Variants in SUV39H2 observed in about 807,000 individuals in gnomAD.
SUV39H2 encodes the protein histone-lysine N-methyltransferase SUV39H2.
Under a neutral mutation model 47.5 loss-of-function variants are expected in SUV39H2, and 10 were observed. The observed-to-expected ratio is 0.21, with a 90% confidence interval of 0.13 to 0.36. SUV39H2 has a LOEUF of 0.36. Among genes scored for constraint, SUV39H2 ranks in the 10% least tolerant of loss-of-function variants. SUV39H2 has a pLI of 1.00. For missense variants in SUV39H2, 266 were observed against 487.4 expected (o/e 0.55, Z 4.28); for synonymous variants, 159 against 166.8 (o/e 0.95, Z 0.36).
At chr10:14,883,704 CAAAAAAAAAAAAAAA>C (rs58522342) in intron 2 of SUV39H2, among the ~76,000 whole-genome samples, 4 of 50,028 alleles carry the variant, frequency 8.0e-5, no homozygotes, top group East Asian at 7.8e-4. Flanking sequence ...GACTCAGTCT[CAAAAAAAAAAAAAAA>C]AAAAAAAAAA....
chr10:14,896,698 C>A, intron 2 of SUV39H2, 148 bp from the exon 3 acceptor site: 1 of 568,710 alleles, frequency 1.8e-6, no homozygotes. Context: ...ATTTATACTT[C>A]ATGTGTTAGG....
chr10:14,899,695 CAT>C lies in SUV39H2; in HGVS notation c.996+12_996+13del, dbSNP rs769125245. The stretch of plus-strand genomic sequence containing the variant: ...TTTTGTGAATCACAGCGTAAGAAGA[CAT>C]ACGTAAATTTTAGACACGACTAACA... On this transcript the variant is annotated intron_variant, in intron 4 of 5. Transcript: ENST00000354919. 3 of 1,612,622 alleles carry C rather than the reference CAT, an allele frequency of 1.9e-6. No homozygotes were observed. Among genetic ancestry groups the C allele is most frequent in the Admixed American group, 3.3e-5 (2 of 59,722 alleles).
At chr10:14,904,315 ATTTTTTTTTTTTT>A (rs35999949), downstream of SUV39H2, 1 of 77,762 alleles carries the variant, frequency 1.3e-5, no homozygotes, top group South Asian at 5.4e-4. Context: ...AAAAAAAAAA[ATTTTTTTTTTTTT>A]TTTTTTTTTT....
chr10:14,895,610 G>A (rs185936555), intron 2 of SUV39H2, among the ~76,000 whole-genome samples: 1 of 152,332 alleles, frequency 6.6e-6, no homozygotes, highest in East Asian at 1.9e-4. Flanking sequence ...AACAGTCTGA[G>A]GGATAGATTA....
Position 14,896,975 on chromosome 10 carries a change from C to T in SUV39H2, c.307C>T (p.Gln103Ter), listed in dbSNP as rs752234143. 1 of 1,614,056 alleles carries T rather than the reference C, an allele frequency of 6.2e-7. No individual in the cohort carries two copies. The highest frequency in any genetic ancestry group is 8.5e-7 in the Non-Finnish European group (1 of 1,180,006). Residue 103 changes from glutamine (Q) to a stop codon, truncating the protein, a stop_gained, in exon 3 of 6, where the codon CAG becomes TAG. Coordinates refer to ENST00000354919, the MANE Select transcript of SUV39H2 (RefSeq NM_001193424.2). LOFTEE classifies it high-confidence loss of function. ...FSNDKHNYLS[Q>*]VKKGKAITPK... Reference sequence around the variant, plus strand: ...TAATGACAAGCATAATTATTTATCTCAGGTAAAGAAAGGCAAAGCAATAAC... The same window carrying T: ...TAATGACAAGCATAATTATTTATCTTAGGTAAAGAAAGGCAAAGCAATAAC...
chr10:14,879,612 A>C, intron 1 of SUV39H2, among the ~76,000 whole-genome samples: 1 of 151,656 alleles, frequency 6.6e-6, no homozygotes, highest in Non-Finnish European at 1.5e-5. Context: ...CTGGGCACCG[A>C]GCGCGCGTGG....
At chr10:14,883,598 A>G (rs1833110215) in intron 2 of SUV39H2, among the ~76,000 whole-genome samples, 1 of 150,044 alleles carries the variant, frequency 6.7e-6, no homozygotes, top group Admixed American at 6.7e-5. Flanking sequence ...CCAGCTACTC[A>G]GGAGGCTGAG....
At chr10:14,891,976 GTT>G (rs1327346925) in intron 2 of SUV39H2, among the ~76,000 whole-genome samples, 1 of 152,166 alleles carries the variant, frequency 6.6e-6, no homozygotes, top group Non-Finnish European at 1.5e-5. Flanking sequence ...TTTATATGTG[GTT>G]TTTGTTAGAG....
chr10:14,885,289 T>C (rs1229749351), intron 2 of SUV39H2, among the ~76,000 whole-genome samples: 1 of 152,210 alleles, frequency 6.6e-6, no homozygotes, highest in Non-Finnish European at 1.5e-5. Context: ...ATACCTGGAT[T>C]TTGCACTAGT....
At chr10:14,899,020 G>C (rs1379154743) in intron 3 of SUV39H2, 10 of 573,714 alleles carry the variant, frequency 1.7e-5, no homozygotes, top group Non-Finnish European at 3.1e-5. Flanking sequence ...CCAATGTACT[G>C]CTCAAATCCT....
chr10:14,879,763 T>C (rs532278557), intron 1 of SUV39H2: 2 of 152,306 alleles, frequency 1.3e-5, no homozygotes, highest in Non-Finnish European at 2.9e-5. Context: ...ATTTTTCTCC[T>C]TGGAGAATGT....
rs1347979893 is a variant in SUV39H2, at chr10:14,878,917, G to A, written c.29G>A (p.Gly10Glu). MAAVGAEAR[G>E]AWCVPCLVSL... ...GCGGCGGTCGGGGCCGAGGCGCGAG[G>A]AGGTGAGGCTGGAGCGCGGCCCCCT... Residue 10 changes from glycine (G) to glutamate (E), a missense_variant and splice_region_variant, in exon 1 of 6, where the codon GGA becomes GAA. Physicochemically the swap from Gly to Glu is moderately conservative, Grantham distance 98. This residue lies in a region of SUV39H2 where 31 missense variants were observed against 27.5 expected (regional missense o/e 1.13). Coordinates refer to ENST00000354919, the MANE Select transcript of SUV39H2 (RefSeq NM_001193424.2). The A allele has an allele frequency of 4.1e-6, 6 of 1,478,688 alleles. No homozygotes were observed. Among genetic ancestry groups the A allele is most frequent in the Non-Finnish European group, 5.4e-6 (6 of 1,112,454 alleles). 91.6% of individuals were successfully genotyped at this position (1,478,688 alleles called of 1,614,324 possible).
Position 14,902,554 on chromosome 10 carries a change from C to G in SUV39H2, c.*42C>G. 1 of 1,290,700 alleles carries G rather than the reference C, an allele frequency of 7.7e-7. No individual in the cohort carries two copies. The highest frequency in any genetic ancestry group is 1.1e-6 in the Non-Finnish European group (1 of 942,336). 80.0% of individuals were successfully genotyped at this position (1,290,700 alleles called of 1,614,324 possible). A position where few individuals can be genotyped will look rare whatever the true frequency, so the allele number is the denominator to read the frequency against. ...GAGCTGATGATTATAATATTTTTTT[C>G]CTAATGTTAACATTTTTAAAAATAC... On this transcript the variant is annotated 3_prime_UTR_variant, in exon 6 of 6. Transcript: ENST00000354919.
At chr10:14,898,813 A>G in intron 3 of SUV39H2, 1 of 164,036 alleles carries the variant, frequency 6.1e-6, no homozygotes, top group Non-Finnish European at 1.3e-5. Context: ...TCCAAAGTTA[A>G]CATAGCTTCT....
intron 2 of SUV39H2, among the ~76,000 whole-genome samples, chr10:14,884,657 C>T (rs919319799): frequency 6.6e-6 from 1 of 152,146 alleles, no homozygotes; most frequent in African/African-American, 2.4e-5. Context: ...ACTTGTGCCC[C>T]TCAGTGACCT....
chr10:14,881,328 AG>A (rs1833035800), intron 1 of SUV39H2, among the ~76,000 whole-genome samples, 171 bp from the exon 2 acceptor site: 1 of 152,246 alleles, frequency 6.6e-6, no homozygotes. Context: ...TTAACAAAAT[AG>A]TTCCTTAATG....
At chr10:14,901,996 C>A (rs1834057387) in intron 5 of SUV39H2, among the ~76,000 whole-genome samples, 1 of 152,126 alleles carries the variant, frequency 6.6e-6, no homozygotes. Flanking sequence ...TAAATGTTTT[C>A]TTTCCTTTAA....
chr10:14,896,486 G>GTTAGA (rs1833620208), intron 2 of SUV39H2, among the ~76,000 whole-genome samples: 1 of 152,142 alleles, frequency 6.6e-6, no homozygotes, highest in African/African-American at 2.4e-5. Flanking sequence ...GTCATAAAGA[G>GTTAGA]TTAGCTTTGG....
chr10:14,888,897 G>A (rs1051117366), intron 2 of SUV39H2, among the ~76,000 whole-genome samples: 1 of 152,238 alleles, frequency 6.6e-6, no homozygotes, highest in Non-Finnish European at 1.5e-5. Context: ...CTGAGGTCGG[G>A]AGTTCGAATC....
Sources: allele counts gnomAD v4.1 joint callset (sites outside exome capture counted in the v4.1 genomes callset), GRCh38; gene constraint gnomAD v4.1.1; regional missense constraint gnomAD v4.1.1; transcripts MANE v1.5; gene names NCBI Gene and HGNC (gene_info 2026-07-23, HGNC 2026-07-21).